The following CCDC39 variants were observed in gnomAD, a reference collection of about 807,000 sequenced individuals.
CCDC39 encodes coiled-coil domain-containing protein 39.
In CCDC39, 113 loss-of-function variants were observed where a neutral mutation model predicts 121.0. The observed-to-expected ratio is 0.93, with a 90% CI of 0.80 to 1.09. The LOEUF is 1.09. CCDC39 is among the 50% of genes least tolerant of loss of function. CCDC39 has a pLI of 0.00. For missense variants in CCDC39, 1,063 were observed against 1,074.7 expected, an observed-to-expected ratio of 0.99 and a Z score of 0.15; for synonymous variants, 349 against 352.2, an observed-to-expected ratio of 0.99 and a Z score of 0.10.
chr3:180,624,626 T>G (rs1485835874), intron 14 of CCDC39, among the ~76,000 whole-genome samples: 1 of 152,222 alleles, frequency 6.6e-6, no homozygotes, highest in Non-Finnish European at 1.5e-5. Context: ...TGGTGAATAC[T>G]GACATTTTGT....
intron 11 of CCDC39, among the ~76,000 whole-genome samples, chr3:180,644,601 A>G (rs1576942781): frequency 6.6e-6 from 1 of 152,336 alleles, no homozygotes; most frequent in African/African-American, 2.4e-5. Context: ...ACCAAAAGGT[A>G]TGGATGTTCA....
At chr3:180,656,652 A>G (rs916338125) in intron 6 of CCDC39, among the ~76,000 whole-genome samples, 1 of 152,208 alleles carries the variant, frequency 6.6e-6, no homozygotes, top group Admixed American at 6.5e-5. Flanking sequence ...ACAGGATGAG[A>G]CAGGAGGTTG....
chr3:180,676,761 A>G (rs1712220115), intron 1 of CCDC39, among the ~76,000 whole-genome samples: 1 of 152,160 alleles, frequency 6.6e-6, no homozygotes, highest in African/African-American at 2.4e-5. Context: ...ACAATGATAG[A>G]CTGGATTAAG....
intron 12 of CCDC39, among the ~76,000 whole-genome samples, chr3:180,643,371 A>G (rs1303578170): frequency 6.6e-6 from 1 of 152,200 alleles, no homozygotes; most frequent in African/African-American, 2.4e-5. Flanking sequence ...GAAAAAAAAT[A>G]TGGAACATGA....
chr3:180,654,219 C>A (rs1052124131), intron 7 of CCDC39, among the ~76,000 whole-genome samples: 203 of 74,418 alleles, frequency 2.7e-3, no homozygotes, highest in Non-Finnish European at 4.1e-3. Flanking sequence ...GATAGCCACA[C>A]GCAAAAAAAA....
At chr3:180,620,634 A>G (rs1020664706) in intron 14 of CCDC39, among the ~76,000 whole-genome samples, 7 of 152,154 alleles carry the variant, frequency 4.6e-5, no homozygotes, top group Admixed American at 3.3e-4. Flanking sequence ...ATGCATATAT[A>G]TACATATATA....
chr3:180,625,366 G>A (rs1717534334), intron 14 of CCDC39, among the ~76,000 whole-genome samples: 1 of 139,998 alleles, frequency 7.1e-6, no homozygotes, highest in Admixed American at 7.2e-5. Flanking sequence ...TTTTTTTTAA[G>A]ATATCTCCTT....
intron 13 of CCDC39, among the ~76,000 whole-genome samples, chr3:180,634,361 C>T (rs1436347537): frequency 6.6e-6 from 1 of 152,152 alleles, no homozygotes; most frequent in Non-Finnish European, 1.5e-5. Context: ...GGAAGCCAGT[C>T]CATCTCCCAT....
At chr3:180,672,956 G>C (rs535498047) in intron 1 of CCDC39, among the ~76,000 whole-genome samples, 13 of 152,296 alleles carry the variant, frequency 8.5e-5, no homozygotes, top group South Asian at 2.1e-4. Context: ...AGTTTGAGAG[G>C]TTCAAGACTT....
chr3:180,646,989 C>T, intron 11 of CCDC39, 90 bp downstream of exon 11: 1 of 1,167,476 alleles, frequency 8.6e-7, no homozygotes, highest in South Asian at 1.4e-5. Flanking sequence ...GAGTGGCAGT[C>T]ACCCTATCCA....
At chr3:180,666,285 A>G (rs1711875233) in intron 1 of CCDC39, among the ~76,000 whole-genome samples, 1 of 152,174 alleles carries the variant, frequency 6.6e-6, no homozygotes, top group Admixed American at 6.6e-5. Flanking sequence ...ATTGACTTTT[A>G]ATGCATTAAG....
At chr3:180,666,760 ATAT>A (rs1336952266) in intron 1 of CCDC39, among the ~76,000 whole-genome samples, 13 of 152,168 alleles carry the variant, frequency 8.5e-5, no homozygotes, top group Admixed American at 6.6e-5. Context: ...CAATCACCAG[ATAT>A]TTATTGAAAA....
chr3:180,650,364 A>G (rs1248646542), intron 9 of CCDC39, among the ~76,000 whole-genome samples: 1 of 152,260 alleles, frequency 6.6e-6, no homozygotes, highest in Non-Finnish European at 1.5e-5. Flanking sequence ...ATAAAGAAGT[A>G]CAAATCAGGA....
intron 3 of CCDC39, among the ~76,000 whole-genome samples, chr3:180,661,259 C>A (rs1711735545): frequency 6.6e-6 from 1 of 151,722 alleles, no homozygotes; most frequent in Non-Finnish European, 1.5e-5. Context: ...CTTAACAAAT[C>A]TAGACTCATA....
chr3:180,642,023 C>T lies in CCDC39; in HGVS notation c.1844G>A (p.Arg615Lys). 1 of 1,600,518 alleles carries T rather than the reference C, an allele frequency of 6.2e-7. No individual in the cohort carries two copies. Among genetic ancestry groups the T allele is most frequent in the South Asian group, 1.1e-5 (1 of 88,164 alleles). The change falls in exon 13 of 20, where the codon AGA becomes AAA. Residue 615 changes from arginine to lysine, a missense_variant. Coordinates refer to ENST00000476379, the MANE Select transcript of CCDC39 (RefSeq NM_181426.2). ...GTTTTCCCGTTCTTGATCAACATATCTTATTTGTGACGCAAGCATTGTTTT... is the reference window on the plus strand; with the variant it reads ...GTTTTCCCGTTCTTGATCAACATATTTTATTTGTGACGCAAGCATTGTTTT... The part of the protein sequence containing the change: ...VHKTMLASQI[R>K]YVDQERENIS...
intron 16 of CCDC39, among the ~76,000 whole-genome samples, chr3:180,618,826 GTTC>G (rs1476844816): frequency 6.6e-6 from 1 of 152,014 alleles, no homozygotes; most frequent in Admixed American, 6.6e-5. Context: ...ATTTGGGTTG[GTTC>G]CAAGTCTTTG....
At chr3:180,631,113 AAAT>A (rs1717681874) in intron 14 of CCDC39, among the ~76,000 whole-genome samples, 1 of 152,196 alleles carries the variant, frequency 6.6e-6, no homozygotes, top group Non-Finnish European at 1.5e-5. Context: ...GACATTCTGC[AAAT>A]AATAGCAAAA....
intron 6 of CCDC39, 116 bp from the exon 7 acceptor site, chr3:180,655,069 T>C (rs1216049719): frequency 1.7e-6 from 1 of 584,838 alleles, no homozygotes; most frequent in African/African-American, 2.0e-5. Context: ...CAAAACTTCT[T>C]AGAAGACATT....
intron 12 of CCDC39, among the ~76,000 whole-genome samples, chr3:180,642,803 T>C (rs1717987606): frequency 6.6e-6 from 1 of 152,044 alleles, no homozygotes; most frequent in Non-Finnish European, 1.5e-5. Flanking sequence ...TAAACATTTG[T>C]CTGATTTTTA....
Sources: gnomAD v4.1 joint callset for allele counts (sites outside exome capture counted in the v4.1 genomes callset) on GRCh38, gnomAD v4.1.1 for gene constraint, MANE v1.5 for transcripts, NCBI Gene and HGNC (gene_info 2026-07-23, HGNC 2026-07-21) for gene names.